ABHD2: variants seen among roughly 807,000 people sequenced by gnomAD.
ABHD2 encodes monoacylglycerol lipase ABHD2.
Under a neutral mutation model 48.1 loss-of-function variants are expected in ABHD2, and 20 were observed. The observed-to-expected ratio is 0.42, with a 90% CI of 0.29 to 0.60. ABHD2 has a LOEUF of 0.60. ABHD2 is among the 20% of genes least tolerant of loss of function. The pLI is 0.24. For missense variants in ABHD2, 405 were observed against 550.9 expected (o/e 0.74, Z 2.65); for synonymous variants, 209 against 214.2 (o/e 0.98, Z 0.21).
chr15:89,088,415 T>C (rs912616232), upstream of ABHD2: 1 of 152,900 alleles, frequency 6.5e-6, no homozygotes, highest in African/African-American at 2.4e-5. This position sits in a 1 kb window ranked among gnomAD's most constrained non-coding sequence, Gnocchi z 6.8. Context: ...GTCAGGGGCG[T>C]GGCGGCAGTT....
Position 89,185,587 on chromosome 15 carries a change from G to A in ABHD2, c.815+71G>A, listed in dbSNP as rs774737898. 46 of 1,380,784 alleles carry A rather than the reference G, an allele frequency of 3.3e-5. No individual in the cohort carries two copies. Among genetic ancestry groups the A allele is most frequent in the Non-Finnish European group, 4.7e-5 (46 of 975,510 alleles). 85.5% of individuals were successfully genotyped at this position (1,380,784 alleles called of 1,614,324 possible). ...TGAGCTCATCTGGGAACCGTGAAAA[G>A]CCAGGACTCCTGTTCCTTCAGGGGA... On this transcript the variant is annotated intron_variant, in intron 7 of 10. Transcript: ENST00000352732. The surrounding 1 kb of genome is among the most constrained non-coding windows in gnomAD (Gnocchi z 5.9).
rs372540192 is a variant in ABHD2, at chr15:89,155,359, C to T, written c.371-8C>T. 52 of 1,610,970 alleles carry T rather than the reference C, an allele frequency of 3.2e-5. No individual in the cohort carries two copies. In the African/African-American group the frequency reaches 4.1e-4, roughly 13 times the overall value. ...GGATACATCAGGATCTCTTTCTCTACGCTATAGATGATATCACCATGGTCA... is the reference window on the plus strand; with the variant it reads ...GGATACATCAGGATCTCTTTCTCTATGCTATAGATGATATCACCATGGTCA... On this transcript the variant is annotated splice_polypyrimidine_tract_variant and splice_region_variant and intron_variant, in intron 4 of 10. Transcript: ENST00000352732. This position sits in a 1 kb window ranked among gnomAD's most constrained non-coding sequence, Gnocchi z 4.9.
intron 6 of ABHD2, among the ~76,000 whole-genome samples, chr15:89,180,768 C>G (rs4932481): frequency 0.54 from 81,710 of 152,024 alleles, 22,333 homozygotes; most frequent in East Asian, 0.67. Flanking sequence ...GGTTTTGCCC[C>G]CACTGCAGGA....
intron 3 of ABHD2, among the ~76,000 whole-genome samples, chr15:89,139,376 C>T (rs2050367312): frequency 6.6e-6 from 1 of 152,100 alleles, no homozygotes; most frequent in Non-Finnish European, 1.5e-5. Flanking sequence ...ATAGTATCAT[C>T]CTATTCTATC....
chr15:89,167,689 G>A lies in ABHD2; in HGVS notation c.539-8123G>A, dbSNP rs1002552727. Among the ~76,000 whole-genome samples, 2 of 152,142 alleles carry A rather than the reference G, an allele frequency of 1.3e-5. No homozygotes were observed. Among genetic ancestry groups the A allele is most frequent in the Admixed American group, 6.5e-5 (1 of 15,270 alleles). ...CCAACTAATTTGATAGCACAAAGGG[G>A]CCTTAACTTTATTTCTACAGCTATT... On this transcript the variant is annotated intron_variant, in intron 5 of 10. Transcript: ENST00000352732. The surrounding 1 kb of genome is among the most constrained non-coding windows in gnomAD (Gnocchi z 5.5).
rs2050537406 is a variant in ABHD2 at position 89,148,590 on chromosome 15, C to A, written c.195-3087C>A. ...ATACCTCTCAGTTCCATCACAGTGC[C>A]TTCTGTATGCCCTCTCATCAGGCTT... On this transcript the variant is annotated intron_variant, in intron 3 of 10. Coordinates refer to ENST00000352732, the MANE Select transcript of ABHD2 (RefSeq NM_152924.5). 4.6e-5 allele frequency among the ~76,000 whole-genome samples: 7 copies of A among 152,350 alleles called. No individual in the cohort carries two copies. In the South Asian group the frequency reaches 1.4e-3, roughly 32 times the overall value.
chr15:89,055,066 G>A, the ABHD2 span, among the ~76,000 whole-genome samples: 90 of 152,088 alleles, frequency 5.9e-4, no homozygotes, highest in South Asian at 3.9e-3. Flanking sequence ...TCTCTATGGC[G>A]CACACTTGCA....
At chr15:89,162,820 A>G (rs957121462) in intron 5 of ABHD2, among the ~76,000 whole-genome samples, 2 of 152,090 alleles carry the variant, frequency 1.3e-5, no homozygotes, top group African/African-American at 4.8e-5. Flanking sequence ...CTGTCTCTCC[A>G]TCCCAGAAGT....
At position 89,185,969 on chromosome 15, in the gene ABHD2, A is replaced by G. The variant is rs532965687; in HGVS notation, c.815+453A>G. ...GTGACAGAGCGAGACCCTGTCTGAA[A>G]AAAAAGAAAAGAAACCTGTCCCAAG... On this transcript the variant is annotated intron_variant, in intron 7 of 10. Transcript: ENST00000352732. The surrounding 1 kb of genome is among the most constrained non-coding windows in gnomAD (Gnocchi z 5.9). 2.5e-4 allele frequency among the ~76,000 whole-genome samples: 38 copies of G among 152,368 alleles called. No individual in the cohort carries two copies. Among genetic ancestry groups the G allele is most frequent in the African/African-American group, 8.9e-4 (37 of 41,588 alleles).
At chr15:89,193,424 G>A in intron 10 of ABHD2, 105 bp downstream of exon 10, 2 of 877,758 alleles carry the variant, frequency 2.3e-6, no homozygotes. Flanking sequence ...CCTCTTTAGG[G>A]AAAGACATCT....
At chr15:89,126,545 T>C (rs1170729324) in intron 3 of ABHD2, among the ~76,000 whole-genome samples, 2 of 152,386 alleles carry the variant, frequency 1.3e-5, no homozygotes, top group South Asian at 2.1e-4. Flanking sequence ...TGATCTCCAC[T>C]GTTCTTTTTC....
chr15:89,191,299 G>A, intron 9 of ABHD2, 150 bp downstream of exon 9: 1 of 730,842 alleles, frequency 1.4e-6, no homozygotes, highest in South Asian at 1.8e-5. Context: ...TATTGAACCA[G>A]GCTCTGTCCC....
the ABHD2 span, among the ~76,000 whole-genome samples, chr15:89,048,273 T>A: frequency 7.2e-5 from 11 of 152,340 alleles, no homozygotes; most frequent in East Asian, 1.9e-3. Context: ...GATCCGCTGT[T>A]AGTCTGATGG....
At chr15:89,129,703 T>C (rs1405371099) in intron 3 of ABHD2, among the ~76,000 whole-genome samples, 1 of 152,074 alleles carries the variant, frequency 6.6e-6, no homozygotes. Flanking sequence ...TGCCCCCTGC[T>C]GGCCAGTGGC....
At chr15:89,074,788 C>A in the ABHD2 span, among the ~76,000 whole-genome samples, 432 of 152,270 alleles carry the variant, frequency 2.8e-3, 1 homozygote, top group Non-Finnish European at 4.1e-3. Flanking sequence ...CTCTCACCAG[C>A]GTCTCAAGTC....
rs2049791735 is a variant in ABHD2 at position 89,106,707 on chromosome 15, C to T, written c.-106-7018C>T. ...CAGATAAAGTGGGGAGAAGGTGGCCCATTTCCTCCTTACTTTCTCTCCAAG... is the reference window on the plus strand; with the variant it reads ...CAGATAAAGTGGGGAGAAGGTGGCCTATTTCCTCCTTACTTTCTCTCCAAG... On this transcript the variant is annotated intron_variant, in intron 1 of 10. Coordinates refer to ENST00000352732, the MANE Select transcript of ABHD2 (RefSeq NM_152924.5). This position sits in a 1 kb window ranked among gnomAD's most constrained non-coding sequence, Gnocchi z 4.2. 6.6e-6 allele frequency among the ~76,000 whole-genome samples: 1 copy of T among 152,122 alleles called. No homozygotes were observed. Among genetic ancestry groups the T allele is most frequent in the Non-Finnish European group, 1.5e-5 (1 of 68,024 alleles).
At chr15:89,068,484 G>C in the ABHD2 span, among the ~76,000 whole-genome samples, 1 of 152,160 alleles carries the variant, frequency 6.6e-6, no homozygotes, top group African/African-American at 2.4e-5. Context: ...CATGTCTGGT[G>C]GTTTGGCTGG....
chr15:89,131,197 C>T (rs2050213617), intron 3 of ABHD2, among the ~76,000 whole-genome samples: 1 of 152,216 alleles, frequency 6.6e-6, no homozygotes, highest in African/African-American at 2.4e-5. Flanking sequence ...GGGCGAGGTC[C>T]AGCATCAGCC....
At chr15:89,041,930 G>A in the ABHD2 span, among the ~76,000 whole-genome samples, 3 of 152,134 alleles carry the variant, frequency 2.0e-5, no homozygotes, top group African/African-American at 7.2e-5. Context: ...AAACATCAGG[G>A]CAGGAGGGCC....
Sources: gnomAD v4.1 joint callset for allele counts (sites outside exome capture counted in the v4.1 genomes callset) on GRCh38, gnomAD v4.1.1 for gene constraint, Gnocchi (gnomAD v3.1) non-coding constraint, MANE v1.5 for transcripts, NCBI Gene and HGNC (gene_info 2026-07-23, HGNC 2026-07-21) for gene names.